PLEKHH2: variants seen among roughly 807,000 people sequenced by gnomAD.
The protein encoded by PLEKHH2 is pleckstrin homology domain-containing family H member 2.
PLEKHH2 carries 129 observed loss-of-function variants against 187.9 expected under a neutral mutation model. The ratio of observed to expected loss-of-function variants is 0.69; its 90% confidence interval spans 0.59 to 0.79. The LOEUF (loss-of-function observed/expected upper bound fraction) is 0.79, where lower values mean the gene tolerates loss of function less well. Ranked by LOEUF, PLEKHH2 falls within the 30% of genes least tolerant of loss-of-function variation. The probability of loss-of-function intolerance (pLI) is 0.00; values close to 1 mark genes in which losing one functional copy is unlikely to be tolerated. For synonymous variants in PLEKHH2, 686 were observed against 605.6 expected (o/e 1.13, Z -1.95); for missense variants, 2,076 against 1,751.2 (o/e 1.19, Z -3.31).
At chr2:43,643,300 T>A (rs1010029344) in intron 1 of PLEKHH2, among the ~76,000 whole-genome samples, 1 of 152,136 alleles carries the variant, frequency 6.6e-6, no homozygotes, top group Admixed American at 6.5e-5. Flanking sequence ...TACAGTAATA[T>A]GTTTCCTTTA....
intron 21 of PLEKHH2, 44 bp from the exon 22 acceptor site, chr2:43,742,697 A>C: frequency 7.2e-7 from 1 of 1,379,616 alleles, no homozygotes; most frequent in Non-Finnish European, 9.7e-7. Context: ...TTAGGTTGTC[A>C]ATTAAATTTA....
intron 1 of PLEKHH2, among the ~76,000 whole-genome samples, chr2:43,642,559 C>T (rs994185456): frequency 6.6e-6 from 1 of 152,112 alleles, no homozygotes; most frequent in African/African-American, 2.4e-5. Flanking sequence ...AGAAAACTGT[C>T]AGTCATTTAT....
intron 28 of PLEKHH2, among the ~76,000 whole-genome samples, 173 bp downstream of exon 28, chr2:43,762,563 C>T (rs1158274030): frequency 1.3e-5 from 2 of 152,110 alleles, no homozygotes; most frequent in African/African-American, 4.8e-5. Flanking sequence ...TATAATTTAA[C>T]CTTTTAAAAC....
At chr2:43,647,500 T>C (rs141223228) in intron 2 of PLEKHH2, among the ~76,000 whole-genome samples, 1 of 152,242 alleles carries the variant, frequency 6.6e-6, no homozygotes, top group East Asian at 1.9e-4. Context: ...ATCCATTCTG[T>C]CCTCTATTCA....
chr2:43,686,633 G>C (rs1378762088), intron 3 of PLEKHH2, among the ~76,000 whole-genome samples: 1 of 152,172 alleles, frequency 6.6e-6, no homozygotes, highest in Admixed American at 6.5e-5. Context: ...ATTATTTAAT[G>C]ATCTTGCTTT....
intron 9 of PLEKHH2, among the ~76,000 whole-genome samples, chr2:43,705,437 T>G (rs1234063934): frequency 6.6e-6 from 1 of 151,684 alleles, no homozygotes; most frequent in Non-Finnish European, 1.5e-5. Context: ...TAAGATTTTT[T>G]GTGGAGATGG....
intron 19 of PLEKHH2, among the ~76,000 whole-genome samples, chr2:43,735,166 G>C (rs747310839): frequency 3.9e-5 from 6 of 151,960 alleles, no homozygotes; most frequent in Non-Finnish European, 7.4e-5. Flanking sequence ...CTCCAGCCTG[G>C]GTGACAGAGC....
chr2:43,690,331 TTTC>T (rs1015272463), intron 3 of PLEKHH2, among the ~76,000 whole-genome samples: 3 of 152,292 alleles, frequency 2.0e-5, no homozygotes, highest in East Asian at 3.9e-4. Context: ...AGAATACATT[TTTC>T]TTCTTCTTCA....
chr2:43,687,257 G>C (rs1042303523), intron 3 of PLEKHH2, among the ~76,000 whole-genome samples: 12 of 152,146 alleles, frequency 7.9e-5, no homozygotes, highest in African/African-American at 2.9e-4. Flanking sequence ...TTAGTTTTCA[G>C]TTCCTGCATT....
chr2:43,689,190 C>A (rs1316183782), intron 3 of PLEKHH2, among the ~76,000 whole-genome samples: 1 of 152,216 alleles, frequency 6.6e-6, no homozygotes, highest in Non-Finnish European at 1.5e-5. Context: ...GATCTGTACA[C>A]CCCAAGTCTA....
intron 29 of PLEKHH2, 23 bp from the exon 30 acceptor site, chr2:43,765,390 C>G (rs12478683): frequency 0.017 from 26,837 of 1,610,342 alleles, 274 homozygotes; most frequent in Non-Finnish European, 0.019. Context: ...AGGAGCAAAA[C>G]AATTCTGTTT....
At chr2:43,676,285 A>C in intron 2 of PLEKHH2, 1 of 1,612,802 alleles carries the variant, frequency 6.2e-7, no homozygotes, top group Non-Finnish European at 8.5e-7. Context: ...CCCAAGCAAC[A>C]TACCCTTAAA....
In PLEKHH2 at chr2:43,678,395, G is replaced by A. The variant is rs1427205254; in HGVS notation, c.124-468G>A. On this transcript the variant is annotated intron_variant, in intron 2 of 29. Coordinates refer to ENST00000282406, the MANE Select transcript of PLEKHH2 (RefSeq NM_172069.4). ...GGAGGTTGTAGCGAGCCGAGATCAC[G>A]CCACTGCACTCCAGCCTGGGCACCA... Among the ~76,000 whole-genome samples the A allele has an allele frequency of 5.9e-5, 9 of 152,124 alleles. 1 individual carries two copies. Among genetic ancestry groups the A allele is most frequent in the African/African-American group, 9.7e-5 (4 of 41,436 alleles).
intron 18 of PLEKHH2, among the ~76,000 whole-genome samples, chr2:43,731,260 A>T (rs1282479537): frequency 6.6e-6 from 1 of 152,142 alleles, no homozygotes; most frequent in South Asian, 2.1e-4. Context: ...CCAAAAACCT[A>T]TGGAAATTTT....
At chr2:43,695,382 G>A (rs1393057587) in intron 6 of PLEKHH2, among the ~76,000 whole-genome samples, 158 bp downstream of exon 6, 2 of 152,150 alleles carry the variant, frequency 1.3e-5, no homozygotes, top group Non-Finnish European at 2.9e-5. Context: ...TCCTGCATTC[G>A]AGTGAATGTT....
intron 4 of PLEKHH2, among the ~76,000 whole-genome samples, chr2:43,693,438 T>C (rs1668920802): frequency 6.6e-6 from 1 of 152,122 alleles, no homozygotes. Flanking sequence ...AATCAAGTAA[T>C]CTAGTTTAAA....
At chr2:43,650,956 T>A (rs188372344) in intron 2 of PLEKHH2, among the ~76,000 whole-genome samples, 48 of 151,270 alleles carry the variant, frequency 3.2e-4, no homozygotes, top group Non-Finnish European at 6.1e-4. Context: ...GCATTACCTT[T>A]CCTACTACTG....
chr2:43,752,869 G>C (rs1282575382), intron 24 of PLEKHH2, among the ~76,000 whole-genome samples: 1 of 152,190 alleles, frequency 6.6e-6, no homozygotes, highest in Admixed American at 6.5e-5. Flanking sequence ...GTGAGTAATA[G>C]TGATAACATG....
intron 3 of PLEKHH2, chr2:43,679,500 T>C (rs903203252): frequency 9.3e-6 from 3 of 324,054 alleles, no homozygotes; most frequent in Non-Finnish European, 1.2e-5. Context: ...TTCCCTTTTT[T>C]TTTTTTTTTT....
Sources: allele counts gnomAD v4.1 joint callset (sites outside exome capture counted in the v4.1 genomes callset), GRCh38; gene constraint gnomAD v4.1.1; transcripts MANE v1.5; gene names NCBI Gene and HGNC (gene_info 2026-07-23, HGNC 2026-07-21).